FBN2: variants seen among roughly 807,000 people sequenced by gnomAD.
FBN2 encodes fibrillin 2, also known as fibrillin-2.
A neutral mutation model predicts 355.6 loss-of-function variants in FBN2; 105 were observed. The ratio of observed to expected loss-of-function variants is 0.30; its 90% CI spans 0.25 to 0.35. The LOEUF (loss-of-function observed/expected upper bound fraction) is 0.35, where lower values mean the gene tolerates loss of function less well. FBN2 is among the 10% of genes least tolerant of loss of function. The pLI, the probability that FBN2 is intolerant of heterozygous loss-of-function variation, is 1.00. For missense variants in FBN2, 3,280 were observed against 3,758.7 expected, an observed-to-expected ratio of 0.87 and a Z score of 3.33; for synonymous variants, 1,350 against 1,301.2, an observed-to-expected ratio of 1.04 and a Z score of -0.81.
At chr5:128,526,917 T>A (rs1337821165) in intron 4 of FBN2, among the ~76,000 whole-genome samples, 4 of 152,050 alleles carry the variant, frequency 2.6e-5, no homozygotes, top group African/African-American at 2.4e-5. Flanking sequence ...TTTAAAAAAA[T>A]TTTTCATTGC....
intron 8 of FBN2, among the ~76,000 whole-genome samples, chr5:128,400,338 T>C (rs1025159621): frequency 2.6e-5 from 4 of 152,108 alleles, no homozygotes; most frequent in Non-Finnish European, 4.4e-5. Context: ...CAGATACTTT[T>C]AAACATTTAT....
chr5:128,378,243 C>A (rs559103780), intron 12 of FBN2, among the ~76,000 whole-genome samples: 10 of 152,126 alleles, frequency 6.6e-5, no homozygotes, highest in East Asian at 5.8e-4. Flanking sequence ...TTAAGAGTAA[C>A]ACAATGAAAA....
At chr5:128,357,230 A>G (rs1751523296) in intron 20 of FBN2, 46 bp downstream of exon 20, 2 of 1,611,886 alleles carry the variant, frequency 1.2e-6, no homozygotes, top group Non-Finnish European at 1.7e-6. Context: ...ATCTGTGCTT[A>G]TCTTGGCAGT....
In FBN2 at chr5:128,280,908, C is replaced by T. The variant is rs143213536; in HGVS notation, c.7013-591G>A. Among the ~76,000 whole-genome samples, 1,217 of 152,160 alleles carry T rather than the reference C, an allele frequency of 8.0e-3. 19 individuals carry two copies. The highest frequency in any genetic ancestry group is 0.028 in the African/African-American group (1,153 of 41,510). On this transcript the variant is annotated intron_variant, in intron 55 of 64. Transcript: ENST00000262464. ...TGTTTTCACTAAAATTCTCTATATC[C>T]TTACTTTTTGTGCTTTTTTGATATT...
chr5:128,408,712 C>G lies in FBN2; in HGVS notation c.1040G>C (p.Arg347Pro). The change falls in exon 8 of 65, where the codon CGT becomes CCT. Residue 347 changes from arginine to proline, a missense_variant. Arg to Pro is a moderately radical substitution (Grantham distance 103). This residue lies in a region of FBN2 where 343 missense variants were observed against 331.0 expected (regional missense o/e 1.04). Transcript: ENST00000262464. ...GCCATCTGTTGAGGTTACATATCCA[C>G]GTGGACAAACACAAAAATAGCTTCC... ...TVGSYFCVCP[R>P]GYVTSTDGSR... 6.2e-7 allele frequency: 1 copy of G among 1,613,988 alleles called. No homozygotes were observed. The highest frequency in any genetic ancestry group is 8.5e-7 in the Non-Finnish European group (1 of 1,179,932).
chr5:128,279,325 A>AT (rs1365336450), intron 56 of FBN2, among the ~76,000 whole-genome samples: 1 of 152,036 alleles, frequency 6.6e-6, no homozygotes, highest in African/African-American at 2.4e-5. Flanking sequence ...AAATAAAATT[A>AT]TTTTTTTCAG....
chr5:128,470,236 G>A (rs962801377), intron 5 of FBN2, among the ~76,000 whole-genome samples: 3 of 152,176 alleles, frequency 2.0e-5, no homozygotes, highest in African/African-American at 7.2e-5. Context: ...ATGCTGCTGA[G>A]CAGCCAAATT....
intron 48 of FBN2, among the ~76,000 whole-genome samples, chr5:128,294,071 A>T (rs1411215537): frequency 6.6e-6 from 1 of 150,932 alleles, no homozygotes; most frequent in Non-Finnish European, 1.5e-5. Context: ...CCCACCTATG[A>T]GTGAGAATAT....
chr5:128,342,577 G>A (rs1233100026), intron 25 of FBN2, among the ~76,000 whole-genome samples: 1 of 152,154 alleles, frequency 6.6e-6, no homozygotes, highest in South Asian at 2.1e-4. Context: ...GCAGGGAAGA[G>A]GAGATGCTAG....
intron 27 of FBN2, 44 bp from the exon 28 acceptor site, chr5:128,336,157 CACTA>C: frequency 6.2e-7 from 1 of 1,601,000 alleles, no homozygotes. Flanking sequence ...AATGTCCACT[CACTA>C]AAGCCATCAG....
chr5:128,448,604 G>A (rs560208120), intron 6 of FBN2, among the ~76,000 whole-genome samples: 10 of 152,242 alleles, frequency 6.6e-5, no homozygotes, highest in East Asian at 1.9e-4. Context: ...ATGAGCCACC[G>A]TGCCTGGCCT....
intron 11 of FBN2, among the ~76,000 whole-genome samples, chr5:128,387,148 T>C (rs1437506283): frequency 2.6e-5 from 4 of 152,144 alleles, no homozygotes; most frequent in African/African-American, 7.2e-5. Flanking sequence ...AGGGATTCAA[T>C]TTCTTCCTGG....
rs919124166 is a variant in FBN2, at chr5:128,293,281, C to G, written c.6167-1627G>C. Reference sequence around the variant, plus strand: ...CCGAGGCCAGTGGATCACTTGAGGTCAGGAGTTCGAGACCAGCCTGGCCAA... The same window carrying G: ...CCGAGGCCAGTGGATCACTTGAGGTGAGGAGTTCGAGACCAGCCTGGCCAA... On this transcript the variant is annotated intron_variant, in intron 48 of 64. Transcript: ENST00000262464. 3.3e-5 allele frequency among the ~76,000 whole-genome samples: 5 copies of G among 152,144 alleles called. No homozygotes were observed. In the South Asian group the frequency reaches 1.0e-3, roughly 32 times the overall value.
chr5:128,499,957 G>A (rs1385279116), intron 5 of FBN2, among the ~76,000 whole-genome samples: 1 of 152,156 alleles, frequency 6.6e-6, no homozygotes, highest in Non-Finnish European at 1.5e-5. Flanking sequence ...GGGAAACACA[G>A]TCTTTAATTC....
chr5:128,519,125 A>C (rs1355540303), intron 5 of FBN2, 148 bp downstream of exon 5: 3 of 712,840 alleles, frequency 4.2e-6, no homozygotes, highest in Non-Finnish European at 7.4e-6. Flanking sequence ...GCTATGTCTC[A>C]AAATCTTACC....
intron 9 of FBN2, among the ~76,000 whole-genome samples, chr5:128,393,658 A>G (rs971417020): frequency 2.6e-5 from 4 of 152,278 alleles, no homozygotes; most frequent in Admixed American, 2.6e-4. Flanking sequence ...ATAAAATTCC[A>G]GACATAATTA....
At chr5:128,261,705 T>C in intron 64 of FBN2, 31 bp downstream of exon 64, 2 of 1,611,630 alleles carry the variant, frequency 1.2e-6, no homozygotes, top group Non-Finnish European at 1.7e-6. Flanking sequence ...GGGATAAAAT[T>C]TTGTGGCAAC....
At chr5:128,275,923 G>C (rs955425785) in intron 59 of FBN2, 115 bp downstream of exon 59, 1 of 1,175,824 alleles carries the variant, frequency 8.5e-7, no homozygotes. Flanking sequence ...TGGCCACTAG[G>C]ATGGGACCTT....
At chr5:128,334,582 C>T (rs545130849) in intron 31 of FBN2, 137 bp downstream of exon 31, 3 of 944,526 alleles carry the variant, frequency 3.2e-6, no homozygotes, top group Non-Finnish European at 5.1e-6. Flanking sequence ...TCCTATAGGT[C>T]ACACACTCAT....
Sources: gnomAD v4.1 joint callset for allele counts (sites outside exome capture counted in the v4.1 genomes callset) on GRCh38, gnomAD v4.1.1 for gene constraint, gnomAD v4.1.1 regional missense constraint, MANE v1.5 for transcripts, NCBI Gene and HGNC (gene_info 2026-07-23, HGNC 2026-07-21) for gene names.